LARS1: variants seen among roughly 807,000 people sequenced by gnomAD.
LARS1 encodes the protein leucyl-tRNA synthetase 1, also known as leucine--tRNA ligase, cytoplasmic.
In LARS1, 100 loss-of-function variants were observed where a neutral mutation model predicts 162.8. The observed-to-expected ratio is 0.61, with a 90% CI of 0.52 to 0.73. The LOEUF is 0.73. LARS1 is among the 30% of genes least tolerant of loss of function. LARS1 has a pLI of 0.00. For missense variants in LARS1, 1,258 were observed against 1,408.9 expected (o/e 0.89, Z 1.71); for synonymous variants, 457 against 462.8 (o/e 0.99, Z 0.16).
At chr5:146,165,440 A>T in intron 5 of LARS1, among the ~76,000 whole-genome samples, 1 of 151,890 alleles carries the variant, frequency 6.6e-6, no homozygotes, top group East Asian at 1.9e-4. Context: ...CTAAAACATG[A>T]GAATTGCTTG....
chr5:146,171,882 T>G (rs767027690), intron 4 of LARS1, 28 bp downstream of exon 4: 6 of 1,560,420 alleles, frequency 3.8e-6, no homozygotes, highest in Middle Eastern at 1.7e-4. Context: ...CTAAAAAGAG[T>G]AGAAACCAAT....
At position 146,172,137 on chromosome 5, in the gene LARS1, C is replaced by A. The variant is rs1005843853; in HGVS notation, c.214-147G>T. 4.4e-6 allele frequency: 3 copies of A among 679,974 alleles called. No individual in the cohort carries two copies. The East Asian group carries it at 8.2e-5, about 19-fold the overall frequency. The allele number at this position is 679,974 out of a possible 1,614,324, so 42.1% of individuals were successfully genotyped here. Reference sequence around the variant, plus strand: ...TTTTAGGCATCCCAAAACTCACCAACCTAGGAATTACTTTTGAATATGCAT... The same window carrying A: ...TTTTAGGCATCCCAAAACTCACCAAACTAGGAATTACTTTTGAATATGCAT... On this transcript the variant is annotated intron_variant, in intron 3 of 31. Transcript: ENST00000394434.
In LARS1 at chr5:146,153,131, TAA is replaced by T. The variant is rs1445034638; in HGVS notation, c.1284+41_1284+42del. The T allele has an allele frequency of 3.5e-6, 5 of 1,435,158 alleles. No homozygotes were observed. In the East Asian group the frequency reaches 6.9e-5, roughly 20 times the overall value. The allele number at this position is 1,435,158 out of a possible 1,614,324, so 88.9% of individuals were successfully genotyped here. A position where few individuals can be genotyped will look rare whatever the true frequency, so the allele number is the denominator to read the frequency against. On this transcript the variant is annotated intron_variant, in intron 13 of 31. Coordinates refer to ENST00000394434, the MANE Select transcript of LARS1 (RefSeq NM_020117.11). ...CATGTTAGCTCTTCTTTTTCTCTGA[TAA>T]AGAGATGGATGTGAATATTCTGAAT...
intron 29 of LARS1, 145 bp from the exon 30 acceptor site, chr5:146,122,732 T>C: frequency 4.5e-6 from 2 of 440,520 alleles, no homozygotes; most frequent in Non-Finnish European, 8.1e-6. Flanking sequence ...CATATAAATA[T>C]TAAATGAAAT....
intron 14 of LARS1, 118 bp downstream of exon 14, chr5:146,151,744 A>T: frequency 1.1e-6 from 1 of 907,748 alleles, no homozygotes; most frequent in Non-Finnish European, 1.7e-6. Flanking sequence ...TTCTCATATT[A>T]AGCTCTCAAA....
chr5:146,140,123 AC>A (rs1373707693), intron 21 of LARS1, 80 bp downstream of exon 21: 2 of 1,078,176 alleles, frequency 1.9e-6, no homozygotes, highest in African/African-American at 3.1e-5. Flanking sequence ...TTTCTTACAT[AC>A]ATTTAAAAAA....
intron 31 of LARS1, among the ~76,000 whole-genome samples, chr5:146,115,654 C>T (rs936629613): frequency 2.9e-5 from 4 of 138,384 alleles, no homozygotes; most frequent in Non-Finnish European, 6.2e-5. Flanking sequence ...ATCCTGCCAA[C>T]AACTGAGCCC....
chr5:146,133,522 TCA>T (rs1752381189), intron 22 of LARS1, among the ~76,000 whole-genome samples: 1 of 151,958 alleles, frequency 6.6e-6, no homozygotes, highest in African/African-American at 2.4e-5. Flanking sequence ...TGAATTTTTC[TCA>T]GTTTTGAAAC....
Position 146,144,479 on chromosome 5 carries a change from G to C in LARS1, c.1648C>G (p.Leu550Val). The C allele has an allele frequency of 6.2e-7, 1 of 1,613,122 alleles. No homozygotes were observed. The part of the protein sequence containing the change: ...KKQTSQCLKN[L>V]ETFCEETRRN... ...CACTTTCTCCCATCTTACGTTTCCA[G>C]GTTCTTCAAGCACTGAGATGTCTGT... Residue 550 changes from leucine (L) to valine (V), a missense_variant, in exon 17 of 32, where the codon CTG (leucine) becomes GTG (valine). Coordinates refer to ENST00000394434, the MANE Select transcript of LARS1 (RefSeq NM_020117.11).
At chr5:146,171,048 C>T (rs1754252179) in intron 4 of LARS1, among the ~76,000 whole-genome samples, 1 of 151,268 alleles carries the variant, frequency 6.6e-6, no homozygotes, top group Non-Finnish European at 1.5e-5. Flanking sequence ...GTAGGATTGA[C>T]ATTCTTTAAA....
Position 146,123,988 on chromosome 5 carries a change from C to A in LARS1, c.3090G>T (p.Ser1030=), listed in dbSNP as rs199688556. 5 of 1,584,390 alleles carry A rather than the reference C, an allele frequency of 3.2e-6. 1 individual carries two copies. Among genetic ancestry groups the A allele is most frequent in the Middle Eastern group, 1.7e-4 (1 of 5,986 alleles). Residue 1030 remains serine (S), a synonymous_variant, in exon 29 of 32, where the codon TCG becomes TCT. Transcript: ENST00000394434. The part of the protein sequence containing the change: ...LMENIVYLTN[S]LELEHIEVKF... ...CAATCCCTGGCCCTCTTACCTCAAG[C>A]GAATTAGTCAGATAGACTATATTCT...
Position 146,144,677 on chromosome 5 carries a change from T to C in LARS1, c.1536A>G (p.Lys512=). 1 of 1,614,026 alleles carries C rather than the reference T, an allele frequency of 6.2e-7. No individual in the cohort carries two copies. Among genetic ancestry groups the C allele is most frequent in the Non-Finnish European group, 8.5e-7 (1 of 1,180,008 alleles). ...GDALIYMEPE[K]QVMSRSSDEC... is the part of the protein sequence containing the mutation. ...CATCTGACGACCTGGACATCACTTGTTTCTCTGGTTCCATGTAAATAAGTG... is the reference window on the plus strand; with the variant it reads ...CATCTGACGACCTGGACATCACTTGCTTCTCTGGTTCCATGTAAATAAGTG... The change falls in exon 16 of 32, where the codon AAA becomes AAG. Residue 512 remains lysine, a synonymous_variant. Coordinates refer to ENST00000394434, the MANE Select transcript of LARS1 (RefSeq NM_020117.11).
intron 21 of LARS1, among the ~76,000 whole-genome samples, chr5:146,137,311 A>G (rs1206086083): frequency 4.6e-5 from 7 of 152,034 alleles, no homozygotes; most frequent in Admixed American, 4.6e-4. Context: ...ATTTGTTACC[A>G]TTTTTATTAA....
intron 14 of LARS1, among the ~76,000 whole-genome samples, chr5:146,151,149 T>G (rs1039452858): frequency 6.6e-6 from 1 of 151,994 alleles, no homozygotes; most frequent in African/African-American, 2.4e-5. Flanking sequence ...ATTTTCAGAA[T>G]TAAGTAAATT....
intron 23 of LARS1, 70 bp downstream of exon 23, chr5:146,132,827 GA>G: frequency 8.9e-7 from 1 of 1,119,030 alleles, no homozygotes; most frequent in South Asian, 1.8e-5. Context: ...GAAAAGAAAA[GA>G]AAAAGAAAAC....
At chr5:146,150,810 G>A (rs1581051421) in intron 14 of LARS1, among the ~76,000 whole-genome samples, 2 of 151,638 alleles carry the variant, frequency 1.3e-5, no homozygotes, top group African/African-American at 2.4e-5. Flanking sequence ...ATGGTGGCAC[G>A]TGCCTGTAGT....
At chr5:146,131,332 T>C in intron 23 of LARS1, 1 of 347,598 alleles carries the variant, frequency 2.9e-6, no homozygotes, top group Non-Finnish European at 5.2e-6. Context: ...ATCTCTCTAT[T>C]GTCTATCCAT....
At chr5:146,171,092 C>T (rs1288837963) in intron 4 of LARS1, among the ~76,000 whole-genome samples, 1 of 151,900 alleles carries the variant, frequency 6.6e-6, no homozygotes, top group Non-Finnish European at 1.5e-5. Context: ...CATGGTGGCT[C>T]ACGCTTGTAA....
At chr5:146,122,770 T>C (rs186241433) in intron 29 of LARS1, among the ~76,000 whole-genome samples, 183 bp from the exon 30 acceptor site, 43 of 152,198 alleles carry the variant, frequency 2.8e-4, no homozygotes, top group African/African-American at 9.6e-4. Flanking sequence ...ACATTCGTTT[T>C]AGATGTCTCA....
Sources: allele counts gnomAD v4.1 joint callset (sites outside exome capture counted in the v4.1 genomes callset), GRCh38; gene constraint gnomAD v4.1.1; transcripts MANE v1.5; gene names NCBI Gene and HGNC (gene_info 2026-07-23, HGNC 2026-07-21).